CSGALNACT1: variants seen among roughly 807,000 people sequenced by gnomAD.
CSGALNACT1 encodes the protein chondroitin sulfate N-acetylgalactosaminyltransferase 1, also known as beta4GalNAcT-1.
A neutral mutation model predicts 51.0 loss-of-function variants in CSGALNACT1; 52 were observed. The observed-to-expected ratio is 1.02, with a 90% CI of 0.82 to 1.29. The LOEUF is 1.29. Among genes scored for constraint, CSGALNACT1 ranks in the 50% most tolerant of loss-of-function variants. The pLI is 0.00. For synonymous variants in CSGALNACT1, 341 were observed against 254.4 expected (o/e 1.34, Z -3.24); for missense variants, 935 against 679.2 (o/e 1.38, Z -4.19).
intron 4 of CSGALNACT1, among the ~76,000 whole-genome samples, chr8:19,467,273 C>A (rs1395886546): frequency 6.6e-6 from 1 of 151,968 alleles, no homozygotes; most frequent in Non-Finnish European, 1.5e-5. Context: ...GAGCCCGCCA[C>A]CATGACTGGC....
chr8:19,755,638 A>G (rs568428051), intron 1 of CSGALNACT1, among the ~76,000 whole-genome samples: 13 of 152,266 alleles, frequency 8.5e-5, no homozygotes, highest in African/African-American at 2.6e-4. Flanking sequence ...AACTTGCCCA[A>G]GGTCATGCAA....
intron 1 of CSGALNACT1, among the ~76,000 whole-genome samples, chr8:19,630,213 T>C (rs903760921): frequency 2.1e-5 from 3 of 143,416 alleles, no homozygotes; most frequent in Non-Finnish European, 4.6e-5. Context: ...TGTGTGTGTG[T>C]GTGTGTGTGT....
At chr8:19,749,645 T>C (rs2064906601) in intron 1 of CSGALNACT1, among the ~76,000 whole-genome samples, 1 of 152,168 alleles carries the variant, frequency 6.6e-6, no homozygotes, top group Non-Finnish European at 1.5e-5. Flanking sequence ...CAGGCTAGTC[T>C]ACAGAACTGC....
In CSGALNACT1 at chr8:19,744,743, A is replaced by C. The variant is rs2064541547; in HGVS notation, c.-297+13107T>G. Among the ~76,000 whole-genome samples the C allele has an allele frequency of 1.3e-5, 2 of 152,224 alleles. 1 individual carries two copies. The highest frequency in any genetic ancestry group is 4.1e-4 in the South Asian group (2 of 4,832). ...TACACTCAAATATGGGGATCCTTGA[A>C]TGTGATTTGTCTATTCACGAACACA... On this transcript the variant is annotated intron_variant, in intron 1 of 1. Coordinates refer to the CSGALNACT1 transcript ENST00000517494.
At chr8:19,653,928 T>G (rs1389613559) in intron 1 of CSGALNACT1, among the ~76,000 whole-genome samples, 1 of 152,194 alleles carries the variant, frequency 6.6e-6, no homozygotes, top group African/African-American at 2.4e-5. Flanking sequence ...AGGTGTTCAC[T>G]GTCTGACATG....
chr8:19,511,497 A>T (rs1282755168), intron 3 of CSGALNACT1, among the ~76,000 whole-genome samples: 1 of 152,218 alleles, frequency 6.6e-6, no homozygotes, highest in African/African-American at 2.4e-5. Flanking sequence ...AGAGTTTTCA[A>T]ATGCTCTCAA....
At chr8:19,535,755 A>G (rs1288154187) in intron 3 of CSGALNACT1, among the ~76,000 whole-genome samples, 2 of 152,182 alleles carry the variant, frequency 1.3e-5, no homozygotes, top group Non-Finnish European at 2.9e-5. Flanking sequence ...ACTGATGTCA[A>G]AAAACATTTG....
chr8:19,701,461 A>G (rs934354287), intron 1 of CSGALNACT1, among the ~76,000 whole-genome samples: 5 of 151,964 alleles, frequency 3.3e-5, no homozygotes, highest in Admixed American at 3.3e-4. Flanking sequence ...GCCTACTCTG[A>G]TATCTTAAGA....
upstream of CSGALNACT1, among the ~76,000 whole-genome samples, chr8:19,683,876 T>C (rs547306539): frequency 3.3e-5 from 5 of 152,128 alleles, no homozygotes; most frequent in East Asian, 7.7e-4. Context: ...TATAAAAATA[T>C]GTAGTAAGGC....
intron 1 of CSGALNACT1, among the ~76,000 whole-genome samples, chr8:19,652,930 C>T (rs188576120): frequency 7.9e-5 from 12 of 152,330 alleles, no homozygotes; most frequent in South Asian, 4.1e-4. Context: ...TTTCCTTACA[C>T]GCTCTTTCCC....
At chr8:19,409,379 T>C (rs1220801613) in intron 8 of CSGALNACT1, among the ~76,000 whole-genome samples, 2 of 152,178 alleles carry the variant, frequency 1.3e-5, no homozygotes, top group African/African-American at 4.8e-5. Flanking sequence ...GGTGCCAGCC[T>C]GCAGGGCTGC....
At chr8:19,471,003 C>A (rs1225942157) in intron 4 of CSGALNACT1, among the ~76,000 whole-genome samples, 2 of 151,778 alleles carry the variant, frequency 1.3e-5, no homozygotes, top group African/African-American at 2.4e-5. Flanking sequence ...GGCTGAGGCA[C>A]GAGAGTCGCT....
chr8:19,748,086 G>A (rs1046293923), intron 1 of CSGALNACT1, among the ~76,000 whole-genome samples: 2 of 152,112 alleles, frequency 1.3e-5, no homozygotes, highest in Non-Finnish European at 2.9e-5. Flanking sequence ...CATATAAGTT[G>A]CTCAAAGGTA....
chr8:19,437,877 T>C (rs996329837), intron 6 of CSGALNACT1, among the ~76,000 whole-genome samples: 3 of 152,198 alleles, frequency 2.0e-5, no homozygotes, highest in Non-Finnish European at 2.9e-5. Flanking sequence ...TTACTTTTCT[T>C]AATCAGATTC....
chr8:19,566,921 G>C (rs770073535), intron 3 of CSGALNACT1, among the ~76,000 whole-genome samples: 2 of 152,180 alleles, frequency 1.3e-5, no homozygotes, highest in African/African-American at 2.4e-5. Flanking sequence ...TGAGGCCCTT[G>C]CCATGAGAAA....
intron 3 of CSGALNACT1, among the ~76,000 whole-genome samples, chr8:19,508,064 C>G (rs979519217): frequency 1.3e-5 from 2 of 152,174 alleles, no homozygotes; most frequent in African/African-American, 2.4e-5. Context: ...AGTCTTCACC[C>G]GACTCAGAAA....
chr8:19,493,438 C>G (rs2074805373), intron 4 of CSGALNACT1, among the ~76,000 whole-genome samples: 1 of 149,482 alleles, frequency 6.7e-6, no homozygotes, highest in Non-Finnish European at 1.5e-5. Context: ...TTTTTAGAGA[C>G]TATTGCGTCT....
intron 1 of CSGALNACT1, among the ~76,000 whole-genome samples, chr8:19,734,066 G>C (rs187245173): frequency 1.2e-3 from 185 of 152,284 alleles, no homozygotes; most frequent in African/African-American, 4.2e-3. Context: ...GATGGAGAGG[G>C]ACCAGGCTAG....
chr8:19,414,844 G>A (rs2056560229), intron 8 of CSGALNACT1, among the ~76,000 whole-genome samples: 1 of 152,170 alleles, frequency 6.6e-6, no homozygotes, highest in Non-Finnish European at 1.5e-5. Flanking sequence ...GGCTATCAAG[G>A]ATGTAGTAAT....
Sources: allele counts gnomAD v4.1 joint callset (sites outside exome capture counted in the v4.1 genomes callset), GRCh38; gene constraint gnomAD v4.1.1; transcripts MANE v1.5; gene names NCBI Gene and HGNC (gene_info 2026-07-23, HGNC 2026-07-21).